NSD2: variants seen among roughly 807,000 people sequenced by gnomAD.
NSD2 encodes the protein nuclear receptor binding SET domain protein 2.
In NSD2, 12 loss-of-function variants were observed where a neutral mutation model predicts 139.0. That is an observed-to-expected ratio of 0.09 (90% confidence interval 0.06 to 0.14). NSD2 has a LOEUF of 0.14. Among genes scored for constraint, NSD2 ranks in the 10% least tolerant of loss-of-function variants. NSD2 has a pLI of 1.00. For synonymous variants in NSD2, 669 were observed against 648.7 expected, an observed-to-expected ratio of 1.03 and a Z score of -0.48; for missense variants, 1,155 against 1,745.0, an observed-to-expected ratio of 0.66 and a Z score of 6.02.
chr4:1,976,514 A>C lies in NSD2; in HGVS notation c.3661A>C (p.Thr1221Pro). The stretch of plus-strand genomic sequence containing the variant: ...TTCATCAGAGGAAAAGGGCAAAAAG[A>C]CCAAGAAGAAAACGAGGCGGCGCAG... ...TLSSEEKGKKTKKKTRRRRAK... is the reference protein window; with the variant it reads ...TLSSEEKGKKPKKKTRRRRAK... The change falls in exon 21 of 22, where the codon ACC becomes CCC. Residue 1221 changes from threonine to proline, a missense_variant. This residue lies in a region of NSD2 where 39 missense variants were observed against 43.5 expected (regional missense o/e 0.90). Transcript: ENST00000508803. The surrounding 1 kb of genome is among the most constrained non-coding windows in gnomAD (Gnocchi z 5.3). 6.2e-7 allele frequency: 1 copy of C among 1,613,966 alleles called. No homozygotes were observed. The highest frequency in any genetic ancestry group is 8.5e-7 in the Non-Finnish European group (1 of 1,179,964).
chr4:1,897,068 G>A (rs1264759319), intron 1 of NSD2, among the ~76,000 whole-genome samples: 1 of 151,984 alleles, frequency 6.6e-6, no homozygotes, highest in Non-Finnish European at 1.5e-5. Flanking sequence ...TGCTCAGGAG[G>A]CTGAGGCAGG....
intron 5 of NSD2, among the ~76,000 whole-genome samples, chr4:1,926,450 G>A (rs113471400): frequency 0.014 from 2,181 of 151,698 alleles, 42 homozygotes; most frequent in Middle Eastern, 0.051. Context: ...ACCGTGCCTG[G>A]TTTGGCTTGA....
intron 9 of NSD2, 98 bp from the exon 10 acceptor site, chr4:1,950,974 T>C: frequency 6.8e-7 from 1 of 1,466,892 alleles, no homozygotes; most frequent in Non-Finnish European, 9.2e-7. Context: ...GAAAGACTGG[T>C]GGGTGGTGGG....
intron 1 of NSD2, among the ~76,000 whole-genome samples, chr4:1,883,912 G>C (rs779354867): frequency 6.6e-6 from 1 of 152,232 alleles, no homozygotes. Flanking sequence ...TTTCTACACA[G>C]TAGCCTAGGA....
chr4:1,943,340 T>G, intron 9 of NSD2: 1 of 1,042,688 alleles, frequency 9.6e-7, no homozygotes. Context: ...CATTAAGTAA[T>G]GTAACGCATG....
At chr4:1,964,452 C>T (rs1165780039) in intron 18 of NSD2, among the ~76,000 whole-genome samples, 1 of 152,180 alleles carries the variant, frequency 6.6e-6, no homozygotes, top group East Asian at 1.9e-4. Flanking sequence ...GCTCTTGGCA[C>T]AGCAGCGGCT....
intron 6 of NSD2, among the ~76,000 whole-genome samples, chr4:1,932,705 C>T (rs1721806863): frequency 6.6e-6 from 1 of 152,202 alleles, no homozygotes; most frequent in African/African-American, 2.4e-5. Context: ...GAGATCGTGC[C>T]ATTGGATTCC....
intron 16 of NSD2, among the ~76,000 whole-genome samples, chr4:1,959,033 C>T (rs1725109034): frequency 6.6e-6 from 1 of 152,176 alleles, no homozygotes; most frequent in Non-Finnish European, 1.5e-5. Context: ...GGGGTGGACT[C>T]CCATGTGGCT....
At chr4:1,952,882 G>A (rs1246460898) in intron 11 of NSD2, 1 of 1,352,158 alleles carries the variant, frequency 7.4e-7, no homozygotes, top group Non-Finnish European at 9.5e-7. Context: ...GGGTCAGGAA[G>A]ACACCTGGAG....
chr4:1,877,983 T>A (rs189986131), intron 1 of NSD2, among the ~76,000 whole-genome samples: 28 of 152,090 alleles, frequency 1.8e-4, no homozygotes, highest in Middle Eastern at 3.4e-3. Flanking sequence ...GAACCACGAT[T>A]ATGCCACTGC....
Position 1,958,960 on chromosome 4 carries a change from A to G in NSD2, c.2986-511A>G. Among the ~76,000 whole-genome samples the G allele has an allele frequency of 6.6e-6, 1 of 152,174 alleles. No homozygotes were observed. The highest frequency in any genetic ancestry group is 3.2e-3 in the Middle Eastern group (1 of 316). On this transcript the variant is annotated intron_variant, in intron 16 of 21. Transcript: ENST00000508803. The surrounding 1 kb of genome is among the most constrained non-coding windows in gnomAD (Gnocchi z 4.6). ...GTTATTTGGTTGCTTGTCTTTCACT[A>G]ATAGTAAACCACAAGGTCATGAGAG...
rs1713744295 is a variant in NSD2 at position 1,871,409 on chromosome 4, G to A, written c.-163G>A. 1 of 144,808 alleles carries A rather than the reference G, an allele frequency of 6.9e-6. No homozygotes were observed. Among genetic ancestry groups the A allele is most frequent in the East Asian group, 2.1e-4 (1 of 4,796 alleles). The allele number at this position is 144,808 out of a possible 1,614,324, so 9.0% of individuals were successfully genotyped here. ...GGCGGGGTCGGCGCCGCGCGCGAGA[G>A]CCTCGGCCTGGCCGCGCTGCGCCCG... On this transcript the variant is annotated 5_prime_UTR_variant, in exon 1 of 22. Transcript: ENST00000508803.
intron 9 of NSD2, chr4:1,941,886 T>A: frequency 9.4e-7 from 1 of 1,063,728 alleles, no homozygotes; most frequent in Non-Finnish European, 1.1e-6. Context: ...GAATGCCTGT[T>A]AGCATATGAG....
intron 18 of NSD2, among the ~76,000 whole-genome samples, chr4:1,962,891 G>T (rs1453370343): frequency 6.6e-6 from 1 of 152,124 alleles, no homozygotes; most frequent in Non-Finnish European, 1.5e-5. Flanking sequence ...AGCTAGAGAG[G>T]TGGGTAGCGC....
Position 1,978,865 on chromosome 4 carries a change from AGGC to A in NSD2, c.4063_4065del (p.Arg1356del). 1 of 1,595,574 alleles carries A rather than the reference AGGC, an allele frequency of 6.3e-7. No homozygotes were observed. Among genetic ancestry groups the A allele is most frequent in the Non-Finnish European group, 8.6e-7 (1 of 1,168,228 alleles). The stretch of plus-strand genomic sequence containing the variant: ...AGAGCCAGGGAAGCCGAAGGGGAAG[AGGC>A]GGCGGCGGAGGGGCTGGCGGAGAGT... On this transcript the variant is annotated inframe_deletion, in exon 22 of 22. Transcript: ENST00000508803.
At chr4:1,963,436 A>G (rs1560780337) in intron 18 of NSD2, among the ~76,000 whole-genome samples, 1 of 152,186 alleles carries the variant, frequency 6.6e-6, no homozygotes, top group Non-Finnish European at 1.5e-5. Context: ...TCTCTGTTGT[A>G]TCTGGGGAGG....
intron 3 of NSD2, among the ~76,000 whole-genome samples, chr4:1,912,405 A>G (rs933326443): frequency 6.6e-6 from 1 of 152,210 alleles, no homozygotes; most frequent in Non-Finnish European, 1.5e-5. Flanking sequence ...CTATGTAAAT[A>G]TCATTCAGTG....
At chr4:1,912,063 A>C (rs1205351483) in intron 3 of NSD2, 1 of 346,166 alleles carries the variant, frequency 2.9e-6, no homozygotes, top group East Asian at 9.3e-5. Context: ...AGAAGTCACA[A>C]ATCCCTTGAC....
rs143903110 is a variant in NSD2, at chr4:1,960,915, C to T, written c.3256-120C>T. ...ATGGAGACTTTGTACACGCCCTCCA[C>T]GGAGGTATGCTGATGTGTGTGGTGC... On this transcript the variant is annotated intron_variant, in intron 17 of 21. Transcript: ENST00000508803. 1,355 of 670,224 alleles carry T rather than the reference C, an allele frequency of 2.0e-3. 15 individuals are homozygous for T. The African/African-American group carries it at 0.021, about 11-fold the overall frequency. The allele number at this position is 670,224 out of a possible 1,614,324, so 41.5% of individuals were successfully genotyped here. A position where few individuals can be genotyped will look rare whatever the true frequency, so the allele number is the denominator to read the frequency against.
Sources: gnomAD v4.1 joint callset for allele counts (sites outside exome capture counted in the v4.1 genomes callset) on GRCh38, gnomAD v4.1.1 for gene constraint, gnomAD v4.1.1 regional missense constraint, Gnocchi (gnomAD v3.1) non-coding constraint, MANE v1.5 for transcripts, NCBI Gene and HGNC (gene_info 2026-07-23, HGNC 2026-07-21) for gene names.